Variants in KNTC1 observed in about 807,000 individuals in gnomAD.
KNTC1 encodes the protein kinetochore associated 1, also known as kinetochore-associated protein 1.
A neutral mutation model predicts 314.4 loss-of-function variants in KNTC1; 253 were observed. The observed-to-expected ratio is 0.80, with a 90% CI of 0.73 to 0.89. The LOEUF is 0.89. Among genes scored for constraint, KNTC1 ranks in the 40% least tolerant of loss-of-function variants. KNTC1 has a pLI of 0.00. For synonymous variants in KNTC1, 901 were observed against 901.4 expected, an observed-to-expected ratio of 1.00 and a Z score of 0.01; for missense variants, 2,475 against 2,572.9, an observed-to-expected ratio of 0.96 and a Z score of 0.82.
In KNTC1 at chr12:122,550,443, A is replaced by G. The variant is rs1157281770; in HGVS notation, c.1086+579A>G. The stretch of plus-strand genomic sequence containing the variant: ...CAATTGGGCCAATTACTTTAAAGCT[A>G]TTTTTTTTTCTTATGATCTAATCAA... On this transcript the variant is annotated intron_variant, in intron 13 of 63. Transcript: ENST00000333479. Among the ~76,000 whole-genome samples the G allele has an allele frequency of 2.6e-5, 4 of 151,294 alleles. No individual in the cohort carries two copies. The South Asian group carries it at 8.4e-4, about 32-fold the overall frequency.
At chr12:122,563,672 T>C in intron 20 of KNTC1, 1 of 873,870 alleles carries the variant, frequency 1.1e-6, no homozygotes, top group Admixed American at 4.1e-5. Flanking sequence ...CCATCTTTTC[T>C]ATCCTATTGA....
intron 6 of KNTC1, 150 bp downstream of exon 6, chr12:122,542,277 TAC>T: frequency 1.8e-6 from 1 of 566,022 alleles, no homozygotes; most frequent in East Asian, 3.5e-5. Context: ...GTATTCAGAA[TAC>T]AGTTATTCTC....
intron 7 of KNTC1, among the ~76,000 whole-genome samples, chr12:122,543,882 C>G (rs1228518173): frequency 3.9e-5 from 6 of 152,044 alleles, no homozygotes; most frequent in Non-Finnish European, 5.9e-5. Context: ...AACCCCATCT[C>G]TACTAAAAAA....
At chr12:122,581,654 C>T (rs189262116) in intron 33 of KNTC1, among the ~76,000 whole-genome samples, 2 of 151,878 alleles carry the variant, frequency 1.3e-5, no homozygotes, top group African/African-American at 2.4e-5. Context: ...GCCACCACAC[C>T]TAGCTAGTTT....
At chr12:122,577,527 G>T in intron 30 of KNTC1, 145 bp from the exon 31 acceptor site, 1 of 859,940 alleles carries the variant, frequency 1.2e-6, no homozygotes, top group South Asian at 2.3e-5. Context: ...AATAAAAATG[G>T]ATTTTCGGAT....
At chr12:122,528,764 CGTAACAGT>C (rs1463161894) in intron 1 of KNTC1, among the ~76,000 whole-genome samples, 12 of 152,098 alleles carry the variant, frequency 7.9e-5, no homozygotes, top group African/African-American at 2.9e-4. Context: ...TCTTATCTTG[CGTAACAGT>C]GTAAATGTGC....
At chr12:122,541,964 G>T in intron 5 of KNTC1, 86 bp from the exon 6 acceptor site, 1 of 1,328,740 alleles carries the variant, frequency 7.5e-7, no homozygotes, top group South Asian at 1.6e-5. Flanking sequence ...GCAGGGAGCC[G>T]AGATCGCGCT....
chr12:122,585,600 C>G (rs765590795), intron 36 of KNTC1, 36 bp from the exon 37 acceptor site: 36 of 1,610,740 alleles, frequency 2.2e-5, no homozygotes, highest in Non-Finnish European at 3.1e-5. Context: ...GTGCAGCGTA[C>G]TGAGTTCTCT....
chr12:122,624,101 T>C (rs1341865979), intron 62 of KNTC1, among the ~76,000 whole-genome samples: 1 of 151,992 alleles, frequency 6.6e-6, no homozygotes, highest in African/African-American at 2.4e-5. Context: ...ATGTGTAACA[T>C]GTCTCTTTTT....
chr12:122,603,274 A>T lies in KNTC1; in HGVS notation c.5101+31A>T. On this transcript the variant is annotated intron_variant, in intron 48 of 63. Coordinates refer to ENST00000333479, the MANE Select transcript of KNTC1 (RefSeq NM_014708.6). ...AGCTCTTCTTTTAAAATTGTAGTTAAAAAAAAAAAAAAAGTACTCTTTTTG... is the reference window on the plus strand; with the variant it reads ...AGCTCTTCTTTTAAAATTGTAGTTATAAAAAAAAAAAAAGTACTCTTTTTG... 4.9e-6 allele frequency: 4 copies of T among 811,706 alleles called. No individual in the cohort carries two copies. The South Asian group carries it at 8.0e-5, about 16-fold the overall frequency. 50.3% of individuals were successfully genotyped at this position (811,706 alleles called of 1,614,324 possible).
At chr12:122,623,361 G>A (rs1874644536) in intron 62 of KNTC1, among the ~76,000 whole-genome samples, 1 of 152,182 alleles carries the variant, frequency 6.6e-6, no homozygotes, top group African/African-American at 2.4e-5. Context: ...TAAAGAAAGG[G>A]AAGTTCAAGA....
At chr12:122,559,838 G>A (rs1045475935) in intron 18 of KNTC1, among the ~76,000 whole-genome samples, 2 of 152,200 alleles carry the variant, frequency 1.3e-5, no homozygotes, top group Non-Finnish European at 2.9e-5. Context: ...GCCTCCCAAA[G>A]TGCCGCAATT....
intron 20 of KNTC1, among the ~76,000 whole-genome samples, chr12:122,565,529 C>CA (rs1964273651): frequency 1.4e-5 from 2 of 147,566 alleles, no homozygotes; most frequent in African/African-American, 5.0e-5. Flanking sequence ...TTTTTTTTTA[C>CA]AAAAAATTCA....
chr12:122,584,756 A>T, intron 35 of KNTC1, 137 bp from the exon 36 acceptor site: 1 of 576,828 alleles, frequency 1.7e-6, no homozygotes, highest in African/African-American at 1.9e-5. Flanking sequence ...TTTTTAGGGT[A>T]GTCAAAGCTA....
chr12:122,610,760 C>A, intron 52 of KNTC1, 62 bp from the exon 53 acceptor site: 1 of 1,043,254 alleles, frequency 9.6e-7, no homozygotes, highest in Non-Finnish European at 1.5e-6. Context: ...AAAGATAAGT[C>A]TGTTGTTTTG....
rs778062427 is a variant in KNTC1 at position 122,534,777 on chromosome 12, T to C, written c.243T>C (p.Leu81=). ...DSICRSLQLH[L]VFDTEVDVVG... ...TTTGTAGATCACTTCAATTGCATCT[T>C]GTCTTTGGTAAGTATAATGTAGTGA... Residue 81 remains leucine (L), a synonymous_variant, in exon 3 of 64, where the codon CTT becomes CTC. Transcript: ENST00000333479. The C allele has an allele frequency of 1.2e-6, 2 of 1,612,894 alleles. No homozygotes were observed. Among genetic ancestry groups the C allele is most frequent in the African/African-American group, 2.7e-5 (2 of 74,936 alleles).
intron 56 of KNTC1, 23 bp downstream of exon 56, chr12:122,615,109 G>T (rs746566397): frequency 1.3e-6 from 2 of 1,516,868 alleles, no homozygotes; most frequent in South Asian, 1.2e-5. Context: ...CAATGCCCTC[G>T]ACTAAGTATA....
chr12:122,572,902 T>G (rs1964787928), intron 24 of KNTC1, 35 bp from the exon 25 acceptor site: 1 of 1,407,982 alleles, frequency 7.1e-7, no homozygotes, highest in African/African-American at 1.4e-5. Flanking sequence ...TACTTTTATT[T>G]TATATCGTTA....
At chr12:122,592,513 C>G (rs1442883375) in intron 42 of KNTC1, among the ~76,000 whole-genome samples, 2 of 152,194 alleles carry the variant, frequency 1.3e-5, no homozygotes, top group Admixed American at 6.5e-5. Flanking sequence ...CGTGGAGATT[C>G]TTTATATCTA....
Sources: gnomAD v4.1 joint callset for allele counts (sites outside exome capture counted in the v4.1 genomes callset) on GRCh38, gnomAD v4.1.1 for gene constraint, MANE v1.5 for transcripts, NCBI Gene and HGNC (gene_info 2026-07-23, HGNC 2026-07-21) for gene names.